PPP3CA: variants seen among roughly 807,000 people sequenced by gnomAD.
The protein encoded by PPP3CA is protein phosphatase 3 catalytic subunit alpha, also known as CAM-PRP catalytic subunit.
Under a neutral mutation model 66.5 loss-of-function variants are expected in PPP3CA, and 14 were observed. The observed-to-expected ratio is 0.21, with a 90% CI of 0.14 to 0.33. PPP3CA has a LOEUF of 0.33. Ranked by LOEUF, PPP3CA falls within the 10% of genes least tolerant of loss-of-function variation. The pLI, the probability that PPP3CA is intolerant of heterozygous loss-of-function variation, is 1.00. For synonymous variants in PPP3CA, 232 were observed against 226.2 expected, an observed-to-expected ratio of 1.03 and a Z score of -0.23; for missense variants, 317 against 639.5, an observed-to-expected ratio of 0.50 and a Z score of 5.44.
At chr4:101,105,526 T>C (rs1427528346) in intron 3 of PPP3CA, among the ~76,000 whole-genome samples, 1 of 149,142 alleles carries the variant, frequency 6.7e-6, no homozygotes, top group African/African-American at 2.5e-5. Context: ...GTTTAGAAAA[T>C]TTCAGGTGGT....
intron 8 of PPP3CA, among the ~76,000 whole-genome samples, chr4:101,064,432 T>G (rs1293083407): frequency 3.9e-5 from 6 of 152,024 alleles, no homozygotes; most frequent in African/African-American, 1.4e-4. Flanking sequence ...TTGGCAAGAT[T>G]TCATTTTTAT....
rs3730248 is a variant in PPP3CA, at chr4:101,346,956, C to T, written c.-160G>A. 1.3e-6 allele frequency: 1 copy of T among 793,414 alleles called. No homozygotes were observed. The highest frequency in any genetic ancestry group is 2.0e-6 in the Non-Finnish European group (1 of 502,064). The allele number at this position is 793,414 out of a possible 1,614,324, so 49.1% of individuals were successfully genotyped here. A position where few individuals can be genotyped will look rare whatever the true frequency, so the allele number is the denominator to read the frequency against. ...AGGCTCTGAGCTGGCTTTAAAGTTGCTGCCTTTTCCGCGCGTCCCTCCTCC... is the reference window on the plus strand; with the variant it reads ...AGGCTCTGAGCTGGCTTTAAAGTTGTTGCCTTTTCCGCGCGTCCCTCCTCC... On this transcript the variant is annotated 5_prime_UTR_variant, in exon 1 of 14. Coordinates refer to ENST00000394854, the MANE Select transcript of PPP3CA (RefSeq NM_000944.5).
intron 1 of PPP3CA, among the ~76,000 whole-genome samples, chr4:101,268,698 T>C (rs570405936): frequency 1.3e-5 from 2 of 152,250 alleles, no homozygotes; most frequent in Admixed American, 6.6e-5. Context: ...TTATACTTGC[T>C]GGAACACATT....
chr4:101,050,816 G>A (rs571892604), intron 10 of PPP3CA, among the ~76,000 whole-genome samples: 1 of 152,310 alleles, frequency 6.6e-6, no homozygotes, highest in Middle Eastern at 3.4e-3. Flanking sequence ...TGGTATATGG[G>A]AAGTATTGTA....
At chr4:101,336,183 C>G (rs1578201807) in intron 1 of PPP3CA, among the ~76,000 whole-genome samples, 1 of 151,900 alleles carries the variant, frequency 6.6e-6, no homozygotes. Context: ...CCACTGGGCT[C>G]CAGCCTGGGC....
At chr4:101,239,150 A>G (rs778732048) in intron 1 of PPP3CA, among the ~76,000 whole-genome samples, 102 of 152,138 alleles carry the variant, frequency 6.7e-4, no homozygotes, top group Non-Finnish European at 1.2e-3. Flanking sequence ...TATGTAACTT[A>G]GAGTGTTCTG....
At chr4:101,260,796 T>C (rs1726988054) in intron 1 of PPP3CA, among the ~76,000 whole-genome samples, 1 of 152,098 alleles carries the variant, frequency 6.6e-6, no homozygotes, top group South Asian at 2.1e-4. Context: ...ATTATCCACA[T>C]AAAAGGTATT....
At chr4:101,282,302 T>C (rs955295605) in intron 1 of PPP3CA, among the ~76,000 whole-genome samples, 3 of 152,168 alleles carry the variant, frequency 2.0e-5, no homozygotes, top group Non-Finnish European at 2.9e-5. Context: ...TTCTATCCTA[T>C]CTGTGAAAAC....
At chr4:101,150,238 G>A (rs1363634148) in intron 2 of PPP3CA, among the ~76,000 whole-genome samples, 2 of 152,128 alleles carry the variant, frequency 1.3e-5, no homozygotes, top group African/African-American at 4.8e-5. Context: ...ATACTTAGTA[G>A]TTTATTCTTC....
chr4:101,319,686 A>C (rs1728982318), intron 1 of PPP3CA, among the ~76,000 whole-genome samples: 1 of 152,156 alleles, frequency 6.6e-6, no homozygotes, highest in Non-Finnish European at 1.5e-5. Context: ...TGAGGTAAGA[A>C]TTTATTCAGG....
At chr4:101,188,453 AT>A (rs924296035) in intron 2 of PPP3CA, among the ~76,000 whole-genome samples, 1 of 151,942 alleles carries the variant, frequency 6.6e-6, no homozygotes, top group African/African-American at 2.4e-5. Flanking sequence ...CATGGATAAG[AT>A]TTTTTTTCTG....
chr4:101,210,244 C>T (rs933676281), intron 1 of PPP3CA, among the ~76,000 whole-genome samples: 2 of 152,246 alleles, frequency 1.3e-5, no homozygotes, highest in South Asian at 4.1e-4. Context: ...CCTTAATCCA[C>T]CTGATCCTCA....
chr4:101,260,944 GATAC>G (rs1336218520), intron 1 of PPP3CA, among the ~76,000 whole-genome samples: 2 of 151,968 alleles, frequency 1.3e-5, no homozygotes, highest in Non-Finnish European at 2.9e-5. Flanking sequence ...TAAAAGAAAG[GATAC>G]AAAAGAAAAG....
chr4:101,145,179 G>A (rs1027230926), intron 2 of PPP3CA, among the ~76,000 whole-genome samples: 8 of 152,112 alleles, frequency 5.3e-5, no homozygotes, highest in African/African-American at 1.9e-4. Flanking sequence ...AACTTTGTCT[G>A]CTGTTGGTGA....
At chr4:101,136,223 C>A (rs1038365786) in intron 2 of PPP3CA, among the ~76,000 whole-genome samples, 1 of 152,142 alleles carries the variant, frequency 6.6e-6, no homozygotes, top group Non-Finnish European at 1.5e-5. Context: ...ACATCAGTAT[C>A]ATTCATGTTT....
chr4:101,200,085 T>G (rs1473281031), intron 1 of PPP3CA, among the ~76,000 whole-genome samples: 2 of 152,122 alleles, frequency 1.3e-5, no homozygotes, highest in Non-Finnish European at 2.9e-5. Context: ...TTCAGTAGCA[T>G]AAGTGATCCA....
intron 6 of PPP3CA, among the ~76,000 whole-genome samples, chr4:101,089,548 C>T (rs751597006): frequency 2.4e-4 from 37 of 152,182 alleles, no homozygotes; most frequent in Admixed American, 7.2e-4. Context: ...ATTTAACTCA[C>T]TCATTTTGAA....
chr4:101,087,155 G>A (rs143658235), intron 6 of PPP3CA, among the ~76,000 whole-genome samples: 86 of 152,276 alleles, frequency 5.6e-4, no homozygotes, highest in Admixed American at 2.7e-3. Context: ...CTACCTGGAT[G>A]CTGTCAGACC....
chr4:101,026,660 AAAG>A (rs1351425270), intron 13 of PPP3CA, among the ~76,000 whole-genome samples: 4 of 63,956 alleles, frequency 6.3e-5, no homozygotes, highest in South Asian at 6.7e-4. Context: ...CATGAAAAAA[AAAG>A]AAATTATAAA....
Sources: allele counts gnomAD v4.1 joint callset (sites outside exome capture counted in the v4.1 genomes callset), GRCh38; gene constraint gnomAD v4.1.1; transcripts MANE v1.5; gene names NCBI Gene and HGNC (gene_info 2026-07-23, HGNC 2026-07-21).